MEMO1: variants seen among roughly 807,000 people sequenced by gnomAD.
The protein encoded by MEMO1 is protein MEMO1.
A neutral mutation model predicts 45.2 loss-of-function variants in MEMO1; 6 were observed. The ratio of observed to expected loss-of-function variants is 0.13; its 90% confidence interval spans 0.07 to 0.26. The LOEUF (loss-of-function observed/expected upper bound fraction) is 0.26, where lower values mean the gene tolerates loss of function less well. Among genes scored for constraint, MEMO1 ranks in the 10% least tolerant of loss-of-function variants. The probability of loss-of-function intolerance (pLI) is 1.00; values close to 1 mark genes in which losing one functional copy is unlikely to be tolerated. For missense variants in MEMO1, 184 were observed against 370.5 expected (o/e 0.50, Z 4.13); for synonymous variants, 78 against 124.3 (o/e 0.63, Z 2.48).
intron 2 of MEMO1, among the ~76,000 whole-genome samples, chr2:31,997,654 C>A (rs1172300958): frequency 6.6e-6 from 1 of 152,026 alleles, no homozygotes; most frequent in East Asian, 1.9e-4. Context: ...TGGGGAACAG[C>A]AAGGAGCCCA....
intron 8 of MEMO1, among the ~76,000 whole-genome samples, chr2:31,871,030 G>A (rs1390373577): frequency 6.6e-6 from 1 of 151,954 alleles, no homozygotes; most frequent in Admixed American, 6.6e-5. Flanking sequence ...TTGAACATTA[G>A]TTTACACTAA....
chr2:31,999,583 T>A (rs543211673), intron 2 of MEMO1, among the ~76,000 whole-genome samples: 106 of 152,214 alleles, frequency 7.0e-4, no homozygotes, highest in African/African-American at 2.1e-3. Context: ...GGTGGCAAGA[T>A]CGCTTGAGCA....
chr2:32,010,520 G>T, intron 1 of MEMO1: 1 of 305,376 alleles, frequency 3.3e-6, no homozygotes, highest in East Asian at 8.0e-5. Flanking sequence ...CGGCCTCACC[G>T]AAGCCCGGAA....
rs758359349 is a variant in MEMO1, at chr2:31,966,732, C to CAA, written c.62-23351_62-23350dup. ...TGGGTAACAGAGCAAGACTCTGTCT[C>CAA]AAAAAAAAAAAATGAAAAAAATAAA... On this transcript the variant is annotated intron_variant, in intron 2 of 9. Coordinates refer to ENST00000404530, the MANE Select transcript of MEMO1 (RefSeq NM_001301833.4). Among the ~76,000 whole-genome samples the CAA allele has an allele frequency of 2.6e-3, 308 of 117,852 alleles. 6 individuals are homozygous for CAA. The highest frequency in any genetic ancestry group is 8.2e-3 in the African/African-American group (267 of 32,712). 77.3% of individuals were successfully genotyped at this position (117,852 alleles called of 152,430 possible).
intron 3 of MEMO1, among the ~76,000 whole-genome samples, chr2:31,938,786 A>AT (rs398042391): frequency 0.27 from 37,903 of 138,770 alleles, 5,634 homozygotes; most frequent in East Asian, 0.56. Context: ...ATAGAACAAT[A>AT]TTTTTTTTTT....
At chr2:31,939,081 G>A (rs1168763340) in intron 3 of MEMO1, among the ~76,000 whole-genome samples, 1 of 146,092 alleles carries the variant, frequency 6.8e-6, no homozygotes, top group African/African-American at 2.6e-5. Flanking sequence ...ACTGCACCCA[G>A]TAACAATGAA....
chr2:31,868,237 A>C lies in MEMO1; in HGVS notation c.*124T>G, dbSNP rs2147855606. 1 of 875,718 alleles carries C rather than the reference A, an allele frequency of 1.1e-6. No homozygotes were observed. The highest frequency in any genetic ancestry group is 4.3e-5 in the Admixed American group (1 of 23,348). 54.2% of individuals were successfully genotyped at this position (875,718 alleles called of 1,614,324 possible). On this transcript the variant is annotated 3_prime_UTR_variant, in exon 10 of 10. Transcript: ENST00000404530. ...ACACCTACTAGAAAAAAAGAGAAGA[A>C]AGTTCTATTAGTTTGAGGTTTCAGA...
At position 31,916,274 on chromosome 2, in the gene MEMO1, G is replaced by A. The variant is rs552809489; in HGVS notation, c.437+1652C>T. 2.0e-5 allele frequency among the ~76,000 whole-genome samples: 3 copies of A among 152,166 alleles called. No homozygotes were observed. The East Asian group carries it at 5.8e-4, about 29-fold the overall frequency. Reference sequence around the variant, plus strand: ...GACAGGTTCTCACTCTGTCACCTAGGCTGGAGTGCAGTGCCATAATCTCGG... The same window carrying A: ...GACAGGTTCTCACTCTGTCACCTAGACTGGAGTGCAGTGCCATAATCTCGG... On this transcript the variant is annotated intron_variant, in intron 6 of 9. Coordinates refer to ENST00000404530, the MANE Select transcript of MEMO1 (RefSeq NM_001301833.4).
chr2:31,967,674 G>A (rs1299129449), intron 2 of MEMO1, among the ~76,000 whole-genome samples: 1 of 151,886 alleles, frequency 6.6e-6, no homozygotes, highest in African/African-American at 2.4e-5. Flanking sequence ...AAACTCCTGG[G>A]CTCAAGTGAT....
At chr2:31,927,494 G>A (rs1174943247) in intron 4 of MEMO1, among the ~76,000 whole-genome samples, 1 of 151,932 alleles carries the variant, frequency 6.6e-6, no homozygotes, top group African/African-American at 2.4e-5. Context: ...TCTGTGTGAG[G>A]TTTCTTCATA....
intron 2 of MEMO1, among the ~76,000 whole-genome samples, chr2:31,969,586 G>GGTGT (rs367639470): frequency 0.03 from 3,607 of 119,148 alleles, 64 homozygotes; most frequent in East Asian, 0.048. Context: ...TGTGTGTGTG[G>GGTGT]GTGTGTGTGT....
chr2:31,947,461 A>G (rs1046798712), intron 2 of MEMO1, among the ~76,000 whole-genome samples: 1 of 152,242 alleles, frequency 6.6e-6, no homozygotes, highest in African/African-American at 2.4e-5. Flanking sequence ...ACTTGCCAAT[A>G]TGGTATCCTT....
At chr2:31,947,716 T>C (rs1046828453) in intron 2 of MEMO1, among the ~76,000 whole-genome samples, 1 of 152,174 alleles carries the variant, frequency 6.6e-6, no homozygotes, top group African/African-American at 2.4e-5. Flanking sequence ...CAATGAGCTG[T>C]AGGAAATACA....
chr2:31,947,477 A>G (rs1007838047), intron 2 of MEMO1, among the ~76,000 whole-genome samples: 2 of 152,242 alleles, frequency 1.3e-5, no homozygotes, highest in Non-Finnish European at 2.9e-5. Context: ...TCCTTGATAC[A>G]TGAAGGATTT....
chr2:31,958,832 G>T (rs1158819885), intron 2 of MEMO1, among the ~76,000 whole-genome samples: 1 of 152,026 alleles, frequency 6.6e-6, no homozygotes, highest in Non-Finnish European at 1.5e-5. Flanking sequence ...TTTATTTTTA[G>T]TAAAGATGGG....
chr2:31,879,633 T>G (rs2147922487), intron 8 of MEMO1, among the ~76,000 whole-genome samples: 1 of 152,366 alleles, frequency 6.6e-6, no homozygotes, highest in South Asian at 2.1e-4. Flanking sequence ...AATTTTAAGA[T>G]ATTTTATTAA....
intron 7 of MEMO1, among the ~76,000 whole-genome samples, chr2:31,886,782 A>G (rs1490614632): frequency 6.6e-6 from 1 of 152,156 alleles, no homozygotes; most frequent in Non-Finnish European, 1.5e-5. Context: ...AGAGAAAATT[A>G]CTTACCTGAA....
At chr2:31,868,550 T>A in intron 9 of MEMO1, 58 bp from the exon 10 acceptor site, 8 of 1,486,042 alleles carry the variant, frequency 5.4e-6, no homozygotes, top group Non-Finnish European at 7.2e-6. Flanking sequence ...GGGCACTCAA[T>A]GTGTTTGCGG....
At chr2:31,963,319 C>T (rs1165721268) in intron 2 of MEMO1, 6 of 1,423,806 alleles carry the variant, frequency 4.2e-6, no homozygotes, top group African/African-American at 2.8e-5. Context: ...GATATAGATA[C>T]AAATATAGTT....
Sources: allele counts gnomAD v4.1 joint callset (sites outside exome capture counted in the v4.1 genomes callset), GRCh38; gene constraint gnomAD v4.1.1; transcripts MANE v1.5; gene names NCBI Gene and HGNC (gene_info 2026-07-23, HGNC 2026-07-21).